Variants in DCDC2 observed in about 807,000 individuals in gnomAD.
DCDC2 encodes the protein doublecortin domain containing 2, also known as doublecortin domain-containing protein 2.
In DCDC2, 40 loss-of-function variants were observed where a neutral mutation model predicts 50.2. The ratio of observed to expected loss-of-function variants is 0.80; its 90% confidence interval spans 0.62 to 1.04. DCDC2 has a LOEUF of 1.04. Among genes scored for constraint, DCDC2 ranks in the 50% least tolerant of loss-of-function variants. The pLI is 0.00. For synonymous variants in DCDC2, 234 were observed against 210.6 expected, an observed-to-expected ratio of 1.11 and a Z score of -0.96; for missense variants, 570 against 581.9, an observed-to-expected ratio of 0.98 and a Z score of 0.21.
At chr6:24,200,790 A>G (rs1393776719) in intron 8 of DCDC2, among the ~76,000 whole-genome samples, 1 of 151,982 alleles carries the variant, frequency 6.6e-6, no homozygotes, top group Non-Finnish European at 1.5e-5. Context: ...CTCAAAATAA[A>G]GGGATGGAGG....
At chr6:24,375,366 G>C in the DCDC2 span, among the ~76,000 whole-genome samples, 24 of 152,130 alleles carry the variant, frequency 1.6e-4, no homozygotes, top group African/African-American at 5.8e-4. Flanking sequence ...ATGGGCCCCA[G>C]TGTCACATCT....
At chr6:24,364,564 T>G in the DCDC2 span, among the ~76,000 whole-genome samples, 1 of 152,252 alleles carries the variant, frequency 6.6e-6, no homozygotes, top group African/African-American at 2.4e-5. Flanking sequence ...TGTGTTCATT[T>G]TATTCATCAA....
intron 8 of DCDC2, among the ~76,000 whole-genome samples, chr6:24,198,644 G>A (rs1225834953): frequency 6.6e-6 from 1 of 151,974 alleles, no homozygotes; most frequent in Non-Finnish European, 1.5e-5. Context: ...TGCCTGGAAT[G>A]CCAGTGAGAA....
At chr6:24,270,124 C>T (rs73394072) in intron 7 of DCDC2, among the ~76,000 whole-genome samples, 4,559 of 152,214 alleles carry the variant, frequency 0.03, 198 homozygotes, top group African/African-American at 0.1. Context: ...GAGCTTCCCT[C>T]ACTTGTCCCT....
intron 8 of DCDC2, among the ~76,000 whole-genome samples, chr6:24,194,904 C>A (rs187381523): frequency 4.1e-4 from 63 of 152,280 alleles, no homozygotes; most frequent in Middle Eastern, 3.4e-3. Context: ...TGTGAACATT[C>A]TTCTGTCTTT....
At chr6:24,379,749 A>T in the DCDC2 span, among the ~76,000 whole-genome samples, 3 of 152,312 alleles carry the variant, frequency 2.0e-5, no homozygotes, top group South Asian at 6.2e-4. Flanking sequence ...ACGAATGTTT[A>T]TTGGGCCACT....
chr6:24,221,738 G>A (rs1762123185), intron 7 of DCDC2, among the ~76,000 whole-genome samples: 1 of 152,222 alleles, frequency 6.6e-6, no homozygotes, highest in Admixed American at 6.5e-5. Flanking sequence ...TTATGGATAA[G>A]GAACTTGAAG....
intron 7 of DCDC2, among the ~76,000 whole-genome samples, chr6:24,244,933 A>G (rs1762639089): frequency 6.6e-6 from 1 of 152,192 alleles, no homozygotes; most frequent in Admixed American, 6.5e-5. Context: ...GGTGGCTCAC[A>G]TCTGTAATCC....
chr6:24,360,794 C>T (rs1200504455), upstream of DCDC2, among the ~76,000 whole-genome samples: 3 of 152,094 alleles, frequency 2.0e-5, no homozygotes, highest in Admixed American at 6.6e-5. Context: ...AACCATGGAC[C>T]AGGCATTATG....
intron 2 of DCDC2, among the ~76,000 whole-genome samples, chr6:24,346,359 C>CA (rs1443211484): frequency 6.6e-6 from 1 of 152,054 alleles, no homozygotes; most frequent in Non-Finnish European, 1.5e-5. Context: ...CATATAAGGC[C>CA]AAGGTATTTT....
chr6:24,361,197 T>C (rs763309910), upstream of DCDC2, among the ~76,000 whole-genome samples: 1 of 152,122 alleles, frequency 6.6e-6, no homozygotes, highest in Non-Finnish European at 1.5e-5. Context: ...CCGCATGTTC[T>C]CACATATAAG....
intron 7 of DCDC2, among the ~76,000 whole-genome samples, chr6:24,213,495 C>T (rs548388671): frequency 3.1e-4 from 47 of 152,186 alleles, no homozygotes; most frequent in African/African-American, 1.1e-3. Context: ...AGGCAATACT[C>T]TTTATGTGTC....
At chr6:24,278,310 G>T in intron 6 of DCDC2, 99 bp from the exon 7 acceptor site, 1 of 1,096,086 alleles carries the variant, frequency 9.1e-7, no homozygotes. Flanking sequence ...CAGGGCAGGG[G>T]CAGGGAGGTG....
intron 8 of DCDC2, among the ~76,000 whole-genome samples, chr6:24,184,582 A>AT (rs202021316): frequency 0.13 from 1,944 of 14,402 alleles, 21 homozygotes; most frequent in Non-Finnish European, 0.19. Flanking sequence ...AAAAATAAAA[A>AT]TAAAAAAAAA....
chr6:24,212,096 G>A (rs891190665), intron 7 of DCDC2, among the ~76,000 whole-genome samples: 17 of 152,200 alleles, frequency 1.1e-4, no homozygotes, highest in African/African-American at 3.6e-4. Flanking sequence ...AGCACAAACC[G>A]TATTGTGAAC....
chr6:24,324,547 G>A (rs894634624), intron 2 of DCDC2, among the ~76,000 whole-genome samples: 17 of 152,088 alleles, frequency 1.1e-4, no homozygotes, highest in South Asian at 8.3e-4. Flanking sequence ...ATTTTGCCTC[G>A]TCTCCCTGGA....
chr6:24,186,837 C>T (rs191362913), intron 8 of DCDC2, among the ~76,000 whole-genome samples: 1 of 152,078 alleles, frequency 6.6e-6, no homozygotes, highest in Admixed American at 6.5e-5. Context: ...AAGTCTTAAC[C>T]CCAGTACCTC....
In DCDC2 at chr6:24,247,725, T is replaced by C. The variant is rs568717885; in HGVS notation, c.922+30324A>G. On this transcript the variant is annotated intron_variant, in intron 7 of 9. Transcript: ENST00000378454. ...TTGGAATATGGGTATAGCAACAGAG[T>C]ATGGAGGCAGAGCACTATATTTTGA... is the stretch of plus-strand genomic sequence containing the variant. 5.3e-5 allele frequency among the ~76,000 whole-genome samples: 8 copies of C among 152,128 alleles called. No individual in the cohort carries two copies. The South Asian group carries it at 1.5e-3, about 28-fold the overall frequency.
At chr6:24,333,462 C>G (rs1305116115) in intron 2 of DCDC2, among the ~76,000 whole-genome samples, 1 of 152,186 alleles carries the variant, frequency 6.6e-6, no homozygotes, top group Non-Finnish European at 1.5e-5. Context: ...CACACACACA[C>G]ACGCAACCAA....
Sources: gnomAD v4.1 joint callset for allele counts (sites outside exome capture counted in the v4.1 genomes callset) on GRCh38, gnomAD v4.1.1 for gene constraint, MANE v1.5 for transcripts, NCBI Gene and HGNC (gene_info 2026-07-23, HGNC 2026-07-21) for gene names.